The following ZYG11B variants were observed in gnomAD, a reference collection of about 807,000 sequenced individuals.
ZYG11B encodes the protein zyg-11 family member B, cell cycle regulator.
ZYG11B carries 36 observed loss-of-function variants against 82.4 expected under a neutral mutation model. The observed-to-expected ratio is 0.44, with a 90% confidence interval of 0.33 to 0.58. The LOEUF is 0.58. Ranked by LOEUF, ZYG11B falls within the 20% of genes least tolerant of loss-of-function variation. The probability of loss-of-function intolerance (pLI) is 0.02; values close to 1 mark genes in which losing one functional copy is unlikely to be tolerated. For missense variants in ZYG11B, 552 were observed against 895.6 expected, an observed-to-expected ratio of 0.62 and a Z score of 4.90; for synonymous variants, 303 against 312.8, an observed-to-expected ratio of 0.97 and a Z score of 0.33.
At chr1:52,738,986 T>C (rs1644400296) in intron 1 of ZYG11B, among the ~76,000 whole-genome samples, 2 of 40,148 alleles carry the variant, frequency 5.0e-5, no homozygotes, top group South Asian at 7.4e-4. Context: ...CCCTGTAACC[T>C]TTTTTTTTTT....
chr1:52,800,637 C>G (rs1645068330), intron 8 of ZYG11B, among the ~76,000 whole-genome samples: 1 of 151,898 alleles, frequency 6.6e-6, no homozygotes, highest in Non-Finnish European at 1.5e-5. Flanking sequence ...GGTGAAACGC[C>G]ATCTCTACTA....
chr1:52,751,997 C>T (rs779913344), intron 1 of ZYG11B, among the ~76,000 whole-genome samples: 1 of 151,788 alleles, frequency 6.6e-6, no homozygotes, highest in Admixed American at 6.6e-5. Flanking sequence ...AGCAATTCTC[C>T]TATTCTCAGC....
intron 13 of ZYG11B, among the ~76,000 whole-genome samples, chr1:52,817,787 A>ATATATATATATG (rs1645241302): frequency 6.9e-5 from 2 of 28,920 alleles, no homozygotes; most frequent in East Asian, 1.2e-3. Context: ...GTATATATAT[A>ATATATATATATG]TATATATATA....
chr1:52,778,515 C>T (rs868407783), intron 3 of ZYG11B, among the ~76,000 whole-genome samples: 4 of 152,286 alleles, frequency 2.6e-5, no homozygotes, highest in South Asian at 4.1e-4. Flanking sequence ...ATTAGACTTA[C>T]GTTAGATCCC....
rs1191207363 is a variant in ZYG11B at position 52,818,010 on chromosome 1, G to A, written c.2044+1381G>A. Among the ~76,000 whole-genome samples the A allele has an allele frequency of 4.7e-5, 7 of 148,850 alleles. No homozygotes were observed. In the Admixed American group the frequency reaches 4.8e-4, roughly 10 times the overall value. On this transcript the variant is annotated intron_variant, in intron 13 of 13. Transcript: ENST00000294353. ...GCACCACCACACCTGGCTAATTTTC[G>A]TATTTTTAGTAGAGACAGGGTTTCA... is the stretch of plus-strand genomic sequence containing the variant.
At chr1:52,760,443 C>T (rs1644619421) in intron 2 of ZYG11B, among the ~76,000 whole-genome samples, 1 of 149,210 alleles carries the variant, frequency 6.7e-6, no homozygotes, top group Non-Finnish European at 1.5e-5. Context: ...AGACTCTTAA[C>T]GACAACAACA....
chr1:52,796,968 AT>A (rs1645017396), intron 8 of ZYG11B, among the ~76,000 whole-genome samples, 184 bp downstream of exon 8: 1 of 84,166 alleles, frequency 1.2e-5, no homozygotes, highest in Non-Finnish European at 1.9e-5. Context: ...ATTATATATA[AT>A]ATATATAAAT....
rs1482209070 is a variant in ZYG11B at position 52,824,616 on chromosome 1, G to A, written c.*2987G>A. ...ATCATGCCACTGCACTCCAGCCTGG[G>A]TGACAGAGTAAGACTCCGTCTCAAA... On this transcript the variant is annotated 3_prime_UTR_variant, in exon 14 of 14. Transcript: ENST00000294353. 2 of 150,990 alleles carry A rather than the reference G, an allele frequency of 1.3e-5. No individual in the cohort carries two copies. Among genetic ancestry groups the A allele is most frequent in the African/African-American group, 4.9e-5 (2 of 40,842 alleles). 9.4% of individuals were successfully genotyped at this position (150,990 alleles called of 1,614,324 possible).
intron 5 of ZYG11B, among the ~76,000 whole-genome samples, chr1:52,785,902 A>G (rs558382443): frequency 6.6e-6 from 1 of 152,312 alleles, no homozygotes; most frequent in South Asian, 2.1e-4. Flanking sequence ...GCCAAACTAG[A>G]TGAAATTTAG....
rs1232248742 is a variant in ZYG11B, at chr1:52,803,087, C to CATATATAT, written c.1695+952_1695+959dup. Among the ~76,000 whole-genome samples, 6 of 22,544 alleles carry CATATATAT rather than the reference C, an allele frequency of 2.7e-4. 1 individual carries two copies. The highest frequency in any genetic ancestry group is 5.3e-4 in the African/African-American group (5 of 9,514). 14.8% of individuals were successfully genotyped at this position (22,544 alleles called of 152,430 possible). A position where few individuals can be genotyped will look rare whatever the true frequency, so the allele number is the denominator to read the frequency against. ...TTGCCACTATATATATATATATACA[C>CATATATAT]ATATATATATACATATATATATATA... On this transcript the variant is annotated intron_variant, in intron 10 of 13. Coordinates refer to ENST00000294353, the MANE Select transcript of ZYG11B (RefSeq NM_024646.3).
chr1:52,811,201 A>G (rs1645180081), intron 10 of ZYG11B, among the ~76,000 whole-genome samples: 3 of 151,902 alleles, frequency 2.0e-5, no homozygotes. Flanking sequence ...TTGAATGATA[A>G]ATTTTTGGTT....
At chr1:52,797,323 T>C (rs1212040094) in intron 8 of ZYG11B, among the ~76,000 whole-genome samples, 1 of 82,758 alleles carries the variant, frequency 1.2e-5, no homozygotes, top group Non-Finnish European at 2.0e-5. Context: ...ACATATAATA[T>C]ATATATTATA....
chr1:52,780,182 C>A (rs764766167), intron 4 of ZYG11B, among the ~76,000 whole-genome samples, 189 bp downstream of exon 4: 7 of 152,038 alleles, frequency 4.6e-5, no homozygotes, highest in African/African-American at 7.2e-5. Flanking sequence ...TGAAGCTTCA[C>A]AATAATCTCA....
chr1:52,763,068 TG>T (rs2149933642), intron 2 of ZYG11B, among the ~76,000 whole-genome samples: 1 of 151,790 alleles, frequency 6.6e-6, no homozygotes, highest in Non-Finnish European at 1.5e-5. Context: ...TCCCAGTCAA[TG>T]TCATTGGTGC....
intron 6 of ZYG11B, among the ~76,000 whole-genome samples, chr1:52,793,516 G>A (rs1644976564): frequency 6.6e-6 from 1 of 152,132 alleles, no homozygotes. Flanking sequence ...AATAAGTGGT[G>A]GAGGTGATAT....
intron 5 of ZYG11B, among the ~76,000 whole-genome samples, chr1:52,787,353 A>T (rs1478648023): frequency 6.6e-6 from 1 of 152,234 alleles, no homozygotes; most frequent in Non-Finnish European, 1.5e-5. Flanking sequence ...ACTATACGAC[A>T]CATTATTTAG....
intron 8 of ZYG11B, among the ~76,000 whole-genome samples, chr1:52,800,498 G>A (rs189806462): frequency 6.8e-4 from 103 of 152,064 alleles, no homozygotes; most frequent in African/African-American, 2.4e-3. Flanking sequence ...TGCTTTGGGA[G>A]GAAATCGAGC....
At chr1:52,789,915 CTTTT>C in intron 5 of ZYG11B, 84 bp from the exon 6 acceptor site, 6 of 730,058 alleles carry the variant, frequency 8.2e-6, no homozygotes, top group South Asian at 3.3e-5. Flanking sequence ...CAGTCTTCTT[CTTTT>C]TTTTTTTTTA....
chr1:52,779,997 A>C lies in ZYG11B; in HGVS notation c.1092+4A>C. 6.2e-7 allele frequency: 1 copy of C among 1,609,620 alleles called. No individual in the cohort carries two copies. The stretch of plus-strand genomic sequence containing the variant: ...AACAAAGCCAGAAATTTTAAAGGTA[A>C]GAATAAGAAACTGGATATGAAATTT... On this transcript the variant is annotated splice_donor_region_variant and intron_variant, in intron 4 of 13. Transcript: ENST00000294353.
Sources: allele counts gnomAD v4.1 joint callset (sites outside exome capture counted in the v4.1 genomes callset), GRCh38; gene constraint gnomAD v4.1.1; transcripts MANE v1.5; gene names NCBI Gene and HGNC (gene_info 2026-07-23, HGNC 2026-07-21).